Variants in CRYL1 observed in about 807,000 individuals in gnomAD.
CRYL1 encodes crystallin lambda 1, also known as lambda-crystallin homolog.
In CRYL1, 29 loss-of-function variants were observed where a neutral mutation model predicts 36.6. The observed-to-expected ratio is 0.79, with a 90% CI of 0.59 to 1.08. CRYL1 has a LOEUF of 1.08. Among genes scored for constraint, CRYL1 ranks in the 50% least tolerant of loss-of-function variants. The pLI is 0.00. For missense variants in CRYL1, 411 were observed against 407.9 expected (o/e 1.01, Z -0.06); for synonymous variants, 152 against 151.5 (o/e 1.00, Z -0.02).
At chr13:20,413,251 T>G in intron 6 of CRYL1, 31 bp downstream of exon 6, 2 of 1,438,956 alleles carry the variant, frequency 1.4e-6, no homozygotes, top group Non-Finnish European at 1.9e-6. Flanking sequence ...CTAAATAGAA[T>G]GGAATTCCCA....
At chr13:20,498,321 TAC>T (rs914343405) in intron 2 of CRYL1, among the ~76,000 whole-genome samples, 6 of 103,986 alleles carry the variant, frequency 5.8e-5, no homozygotes, top group African/African-American at 1.7e-4. Flanking sequence ...ATATACACAC[TAC>T]ACACACATGC....
At chr13:20,524,560 A>T (rs2034154695) in intron 1 of CRYL1, among the ~76,000 whole-genome samples, 1 of 152,112 alleles carries the variant, frequency 6.6e-6, no homozygotes, top group Admixed American at 6.5e-5. Flanking sequence ...TATTTTTAGT[A>T]GAGACGGAGT....
intron 3 of CRYL1, among the ~76,000 whole-genome samples, chr13:20,449,958 G>T (rs2032533892): frequency 6.6e-6 from 1 of 152,102 alleles, no homozygotes; most frequent in Admixed American, 6.5e-5. Flanking sequence ...ACAAAAAAAT[G>T]AAAAAGTATT....
chr13:20,434,881 G>A (rs2032173601), intron 4 of CRYL1, among the ~76,000 whole-genome samples: 1 of 151,344 alleles, frequency 6.6e-6, no homozygotes, highest in Non-Finnish European at 1.5e-5. Flanking sequence ...AAAAATCATT[G>A]CCACTGCCAC....
chr13:20,468,769 C>A (rs188672731), intron 3 of CRYL1, among the ~76,000 whole-genome samples: 2 of 152,292 alleles, frequency 1.3e-5, no homozygotes, highest in East Asian at 1.9e-4. Flanking sequence ...CCATGCCTGG[C>A]TAATTTTTGT....
At chr13:20,486,643 T>A (rs912265885) in intron 3 of CRYL1, among the ~76,000 whole-genome samples, 95 of 152,222 alleles carry the variant, frequency 6.2e-4, no homozygotes, top group African/African-American at 2.2e-3. Context: ...GTTTACATCA[T>A]CTTTCTCTAG....
rs552324741 is a variant in CRYL1, at chr13:20,415,324, C to A, written c.634-1937G>T. Among the ~76,000 whole-genome samples the A allele has an allele frequency of 2.0e-5, 3 of 152,286 alleles. No individual in the cohort carries two copies. In the East Asian group the frequency reaches 5.8e-4, roughly 29 times the overall value. On this transcript the variant is annotated intron_variant, in intron 5 of 7. Transcript: ENST00000298248. The surrounding 1 kb of genome is among the most constrained non-coding windows in gnomAD (Gnocchi z 4.1). ...CCTCGAGGTTCCTGGGCCTCCAGGGCAGCCCCAGGGGTCCCCCGAGAAGCG... is the reference window on the plus strand; with the variant it reads ...CCTCGAGGTTCCTGGGCCTCCAGGGAAGCCCCAGGGGTCCCCCGAGAAGCG...
At chr13:20,510,528 G>A (rs12856564) in intron 2 of CRYL1, among the ~76,000 whole-genome samples, 2,818 of 152,142 alleles carry the variant, frequency 0.019, 37 homozygotes, top group Middle Eastern at 0.044. Flanking sequence ...AGAGCAGTGG[G>A]ATTATTCTGT....
intron 5 of CRYL1, chr13:20,431,887 A>G: frequency 1.3e-6 from 2 of 1,499,116 alleles, no homozygotes; most frequent in Non-Finnish European, 8.9e-7. Context: ...TGTAAGAAGA[A>G]CCTCTCAGGC....
intron 3 of CRYL1, among the ~76,000 whole-genome samples, chr13:20,459,737 A>C (rs2032768838): frequency 6.6e-6 from 1 of 152,224 alleles, no homozygotes; most frequent in Non-Finnish European, 1.5e-5. Context: ...AAAACCTATC[A>C]GATATTATGC....
chr13:20,456,656 AACACACAC>A (rs35160798), intron 3 of CRYL1, among the ~76,000 whole-genome samples: 4 of 142,912 alleles, frequency 2.8e-5, no homozygotes, highest in South Asian at 2.4e-4. Context: ...CGATTCTTAA[AACACACAC>A]ACACACACAC....
intron 5 of CRYL1, among the ~76,000 whole-genome samples, chr13:20,429,616 T>C (rs1166832350): frequency 1.3e-5 from 2 of 152,100 alleles, no homozygotes; most frequent in African/African-American, 4.8e-5. Context: ...ACAATCACGG[T>C]AGGCAAGATT....
chr13:20,459,191 A>G (rs924242713), intron 3 of CRYL1, among the ~76,000 whole-genome samples: 6 of 143,460 alleles, frequency 4.2e-5, no homozygotes, highest in African/African-American at 7.7e-5. Flanking sequence ...AGCCGAGTTC[A>G]CGCCGCTGTA....
chr13:20,428,489 A>T (rs78973606), intron 5 of CRYL1, among the ~76,000 whole-genome samples: 2 of 152,220 alleles, frequency 1.3e-5, no homozygotes, highest in African/African-American at 4.8e-5. Context: ...GCAAAAAAAA[A>T]TTCACAACAA....
chr13:20,473,923 CA>C lies in CRYL1; in HGVS notation c.276+15446del, dbSNP rs59443243. 6.2e-3 allele frequency among the ~76,000 whole-genome samples: 942 copies of C among 152,202 alleles called. 11 individuals are homozygous for C. Among genetic ancestry groups the C allele is most frequent in the African/African-American group, 0.021 (874 of 41,514 alleles). ...TAACAGGGTAATTTAGTTAACATAG[CA>C]AGTGAATCGGGTATAAGTAACAGGG... On this transcript the variant is annotated intron_variant, in intron 3 of 7. Transcript: ENST00000298248.
chr13:20,423,750 TGGGTGTGG>T (rs1374145308), intron 5 of CRYL1, among the ~76,000 whole-genome samples: 4 of 149,458 alleles, frequency 2.7e-5, no homozygotes, highest in Admixed American at 6.7e-5. Flanking sequence ...CACTGATTCA[TGGGTGTGG>T]GGGTGTGGGT....
chr13:20,415,592 G>T lies in CRYL1; in HGVS notation c.634-2205C>A, dbSNP rs1347906109. On this transcript the variant is annotated intron_variant, in intron 5 of 7. Coordinates refer to ENST00000298248, the MANE Select transcript of CRYL1 (RefSeq NM_015974.3). The surrounding 1 kb of genome is among the most constrained non-coding windows in gnomAD (Gnocchi z 4.1). Reference sequence around the variant, plus strand: ...ACTCCCTTTTAGAGAGCCACTTTGCGTTTCGTTTTGTTTGCGCACACGGGA... The same window carrying T: ...ACTCCCTTTTAGAGAGCCACTTTGCTTTTCGTTTTGTTTGCGCACACGGGA... 6.6e-6 allele frequency among the ~76,000 whole-genome samples: 1 copy of T among 152,186 alleles called. No homozygotes were observed. The highest frequency in any genetic ancestry group is 1.5e-5 in the Non-Finnish European group (1 of 68,026).
intron 3 of CRYL1, among the ~76,000 whole-genome samples, chr13:20,440,896 G>C (rs566053535): frequency 2.0e-5 from 3 of 152,284 alleles, no homozygotes; most frequent in South Asian, 4.2e-4. Flanking sequence ...GCTAGAGTGA[G>C]AGTGAGATGA....
intron 3 of CRYL1, among the ~76,000 whole-genome samples, chr13:20,454,858 G>A (rs918490474): frequency 2.0e-5 from 3 of 151,104 alleles, no homozygotes; most frequent in Non-Finnish European, 3.0e-5. Flanking sequence ...TTAACATTGG[G>A]AATAAGGCAA....
Sources: allele counts gnomAD v4.1 joint callset (sites outside exome capture counted in the v4.1 genomes callset), GRCh38; gene constraint gnomAD v4.1.1; non-coding constraint Gnocchi (gnomAD v3.1); transcripts MANE v1.5; gene names NCBI Gene and HGNC (gene_info 2026-07-23, HGNC 2026-07-21).